The following WNT3 variants were observed in gnomAD, a reference collection of about 807,000 sequenced individuals.
The protein encoded by WNT3 is Wnt family member 3.
In WNT3, 7 loss-of-function variants were observed where a neutral mutation model predicts 34.2. The ratio of observed to expected loss-of-function variants is 0.20; its 90% CI spans 0.12 to 0.38. The LOEUF is 0.38. WNT3 is among the 10% of genes least tolerant of loss of function. WNT3 has a pLI of 1.00. For missense variants in WNT3, 267 were observed against 499.8 expected (o/e 0.53, Z 4.44); for synonymous variants, 212 against 211.5 (o/e 1.00, Z -0.02).
At chr17:46,806,615 A>G (rs1437552994) in intron 1 of WNT3, among the ~76,000 whole-genome samples, 1 of 152,240 alleles carries the variant, frequency 6.6e-6, no homozygotes, top group Non-Finnish European at 1.5e-5. Context: ...CCTTACTGGT[A>G]GCAGAGAAAG....
At chr17:46,779,103 A>ACACACACACACACACACACACCCCCC (rs749719578) in intron 1 of WNT3, among the ~76,000 whole-genome samples, 2 of 133,590 alleles carry the variant, frequency 1.5e-5, no homozygotes, top group East Asian at 2.5e-4. Context: ...ACACACACAC[A>ACACACACACACACACACACACCCCCC]CCCCAGCCCA....
At chr17:46,793,457 G>A (rs138333056) in intron 1 of WNT3, among the ~76,000 whole-genome samples, 1 of 152,206 alleles carries the variant, frequency 6.6e-6, no homozygotes, top group East Asian at 1.9e-4. Context: ...CCGCCTATCA[G>A]TCTTTTTTCT....
rs149211878 is a variant in WNT3, at chr17:46,799,598, C to T, written c.80+18920G>A. Among the ~76,000 whole-genome samples, 540 of 152,170 alleles carry T rather than the reference C, an allele frequency of 3.5e-3. 2 individuals carry two copies. The highest frequency in any genetic ancestry group is 0.013 in the African/African-American group (522 of 41,492). ...GAGTAGCTGGGATTACAGGTGTGCG[C>T]CACCATGCCTGGCTACTTTTTGTAT... On this transcript the variant is annotated intron_variant, in intron 1 of 4. Transcript: ENST00000225512.
At position 46,785,019 on chromosome 17, in the gene WNT3, T is replaced by C. The variant is rs545345758; in HGVS notation, c.81-11110A>G. ...GTCTCGATCTCCTGACCTCGTGATC[T>C]GCCCGCCTTGGCCTCCCAAAGTGCT... On this transcript the variant is annotated intron_variant, in intron 1 of 4. Coordinates refer to ENST00000225512, the MANE Select transcript of WNT3 (RefSeq NM_030753.5). Among the ~76,000 whole-genome samples the C allele has an allele frequency of 5.6e-4, 85 of 152,212 alleles. No individual in the cohort carries two copies. In the East Asian group the frequency reaches 9.5e-3, roughly 17 times the overall value.
intron 2 of WNT3, among the ~76,000 whole-genome samples, chr17:46,771,878 G>GCCCGCCCCCGCCCCTGCC (rs2059376125): frequency 2.1e-5 from 3 of 143,300 alleles, no homozygotes; most frequent in South Asian, 2.1e-4. Flanking sequence ...CCCCTCCGGC[G>GCCCGCCCCCGCCCCTGCC]CCCGCCCCCG....
intron 1 of WNT3, among the ~76,000 whole-genome samples, chr17:46,777,874 T>C (rs151099987): frequency 6.6e-6 from 1 of 152,322 alleles, no homozygotes; most frequent in East Asian, 1.9e-4. Flanking sequence ...ATGAGCTGTT[T>C]TCCCTCTTTC....
At chr17:46,767,740 T>C (rs1470649881) in intron 4 of WNT3, among the ~76,000 whole-genome samples, 1 of 152,198 alleles carries the variant, frequency 6.6e-6, no homozygotes, top group Non-Finnish European at 1.5e-5. Context: ...TGTTAATCAA[T>C]TGCTGGCACC....
chr17:46,785,442 G>A (rs557084138), intron 1 of WNT3, among the ~76,000 whole-genome samples: 2 of 152,352 alleles, frequency 1.3e-5, no homozygotes, highest in South Asian at 4.1e-4. Flanking sequence ...CATGCACACG[G>A]AGAAAAGATA....
chr17:46,781,085 G>A (rs895068079), intron 1 of WNT3, among the ~76,000 whole-genome samples: 2 of 151,920 alleles, frequency 1.3e-5, no homozygotes, highest in African/African-American at 4.8e-5. Flanking sequence ...AAAATTAGCC[G>A]GGCCTGGTGG....
intron 3 of WNT3, among the ~76,000 whole-genome samples, chr17:46,769,077 G>A (rs2059339679): frequency 6.6e-6 from 1 of 152,334 alleles, no homozygotes; most frequent in East Asian, 1.9e-4. Context: ...AGCACCTTGG[G>A]AGGCTGAGGC....
intron 1 of WNT3, among the ~76,000 whole-genome samples, chr17:46,787,926 A>G (rs2059524879): frequency 1.3e-5 from 2 of 151,366 alleles, no homozygotes; most frequent in Middle Eastern, 6.9e-3. Context: ...ACTGCACTCC[A>G]GCCTGGGCAA....
At chr17:46,785,264 G>A (rs1172940927) in intron 1 of WNT3, among the ~76,000 whole-genome samples, 2 of 152,094 alleles carry the variant, frequency 1.3e-5, no homozygotes, top group Non-Finnish European at 2.9e-5. Context: ...ACGTTGCCTC[G>A]GCTTAACTCT....
chr17:46,779,103 A>ACCC (rs3219936), intron 1 of WNT3, among the ~76,000 whole-genome samples: 8 of 133,590 alleles, frequency 6.0e-5, no homozygotes, highest in African/African-American at 2.2e-4. Flanking sequence ...ACACACACAC[A>ACCC]CCCCAGCCCA....
intron 1 of WNT3, among the ~76,000 whole-genome samples, chr17:46,791,575 T>G (rs953849800): frequency 1.4e-4 from 21 of 152,160 alleles, no homozygotes; most frequent in African/African-American, 4.8e-4. Context: ...TCCCACTCCC[T>G]TCCTTCCCCT....
chr17:46,779,397 G>A (rs925773481), intron 1 of WNT3, among the ~76,000 whole-genome samples: 5 of 152,098 alleles, frequency 3.3e-5, no homozygotes, highest in Non-Finnish European at 5.9e-5. Flanking sequence ...TTCGCAGCTG[G>A]GCCAGGGGCT....
intron 1 of WNT3, among the ~76,000 whole-genome samples, chr17:46,775,611 T>C (rs1167150739): frequency 1.4e-5 from 2 of 142,758 alleles, no homozygotes; most frequent in South Asian, 4.6e-4. Context: ...CAGAAGTTCT[T>C]TTTTTTTTTT....
At position 46,818,629 on chromosome 17, in the gene WNT3, C is replaced by T; in HGVS notation, c.-32G>A. 6.4e-7 allele frequency: 1 copy of T among 1,567,618 alleles called. No homozygotes were observed. The highest frequency in any genetic ancestry group is 1.9e-5 in the Admixed American group (1 of 53,784). ...AGGCGCCGAGGAGGAAGTTTGCCCG[C>T]GACCATGAAGAGGGGGAGCGACGCC... On this transcript the variant is annotated 5_prime_UTR_variant, in exon 1 of 5. Coordinates refer to ENST00000225512, the MANE Select transcript of WNT3 (RefSeq NM_030753.5).
intron 1 of WNT3, among the ~76,000 whole-genome samples, chr17:46,805,760 C>T (rs951337321): frequency 6.6e-6 from 1 of 152,036 alleles, no homozygotes; most frequent in Admixed American, 6.6e-5. Flanking sequence ...CAAACCAAAC[C>T]AAACTGAAAC....
intron 1 of WNT3, among the ~76,000 whole-genome samples, chr17:46,792,062 C>T (rs997010419): frequency 6.6e-6 from 1 of 152,216 alleles, no homozygotes; most frequent in African/African-American, 2.4e-5. Flanking sequence ...AAGAAAACAA[C>T]TCTCTCTTAC....
Sources: allele counts gnomAD v4.1 joint callset (sites outside exome capture counted in the v4.1 genomes callset), GRCh38; gene constraint gnomAD v4.1.1; transcripts MANE v1.5; gene names NCBI Gene and HGNC (gene_info 2026-07-23, HGNC 2026-07-21).